PKHD1L1: variants seen among roughly 807,000 people sequenced by gnomAD.
PKHD1L1 encodes PKHD1 like 1.
In PKHD1L1, 434 loss-of-function variants were observed where a neutral mutation model predicts 462.9. The ratio of observed to expected loss-of-function variants is 0.94; its 90% CI spans 0.87 to 1.02. The LOEUF (loss-of-function observed/expected upper bound fraction) is 1.02, where lower values mean the gene tolerates loss of function less well. Among genes scored for constraint, PKHD1L1 ranks in the 50% least tolerant of loss-of-function variants. The pLI, the probability that PKHD1L1 is intolerant of heterozygous loss-of-function variation, is 0.00. For synonymous variants in PKHD1L1, 1,781 were observed against 1,750.0 expected, an observed-to-expected ratio of 1.02 and a Z score of -0.44; for missense variants, 5,202 against 5,096.1, an observed-to-expected ratio of 1.02 and a Z score of -0.63.
intron 50 of PKHD1L1, among the ~76,000 whole-genome samples, chr8:109,467,294 G>C (rs1377687173): frequency 6.6e-6 from 1 of 152,084 alleles, no homozygotes; most frequent in African/African-American, 2.4e-5. Flanking sequence ...CCAGCCAAAC[G>C]AGCAAGCTAA....
chr8:109,436,476 CA>C lies in PKHD1L1; in HGVS notation c.3627+18del. 6.2e-7 allele frequency: 1 copy of C among 1,610,094 alleles called. No individual in the cohort carries two copies. The highest frequency in any genetic ancestry group is 1.1e-5 in the South Asian group (1 of 90,240). Reference sequence around the variant, plus strand: ...ACACCAAAAGTAAGGCCTCTGATTTCAGTCACTTTTTCCTCCTAAGTCTGAA... The same window carrying C: ...ACACCAAAAGTAAGGCCTCTGATTTCGTCACTTTTTCCTCCTAAGTCTGAA... On this transcript the variant is annotated intron_variant, in intron 30 of 77. Coordinates refer to ENST00000378402, the MANE Select transcript of PKHD1L1 (RefSeq NM_177531.6).
Position 109,532,356 on chromosome 8 carries a change from A to T in PKHD1L1, c.*2266A>T, listed in dbSNP as rs1177812072. Among the ~76,000 whole-genome samples, 1 of 152,234 alleles carries T rather than the reference A, an allele frequency of 6.6e-6. No individual in the cohort carries two copies. Among genetic ancestry groups the T allele is most frequent in the Non-Finnish European group, 1.5e-5 (1 of 68,042 alleles). On this transcript the variant is annotated 3_prime_UTR_variant, in exon 78 of 78. Coordinates refer to ENST00000378402, the MANE Select transcript of PKHD1L1 (RefSeq NM_177531.6). ...CCTTATTCCAGATAAATTACAATTT[A>T]ATTACTACTTTTAAAAATGCTTGAA...
At chr8:109,426,876 C>T (rs113985160) in intron 24 of PKHD1L1, 126 bp from the exon 25 acceptor site, 371 of 642,306 alleles carry the variant, frequency 5.8e-4, no homozygotes, top group African/African-American at 4.8e-3. Flanking sequence ...TGATCTCAAA[C>T]GCCTGACCTC....
intron 11 of PKHD1L1, among the ~76,000 whole-genome samples, chr8:109,396,383 G>A (rs1812977021): frequency 6.6e-6 from 1 of 152,192 alleles, no homozygotes; most frequent in Admixed American, 6.5e-5. Context: ...CAGGCTTTGT[G>A]TAGCAGCATT....
intron 9 of PKHD1L1, among the ~76,000 whole-genome samples, chr8:109,391,615 A>G (rs1264611195): frequency 6.6e-6 from 1 of 152,314 alleles, no homozygotes; most frequent in East Asian, 1.9e-4. Flanking sequence ...ACCCATATAA[A>G]TTGCATTATT....
chr8:109,474,238 T>A (rs1158651431), intron 50 of PKHD1L1, among the ~76,000 whole-genome samples: 4 of 152,188 alleles, frequency 2.6e-5, no homozygotes, highest in African/African-American at 9.7e-5. Context: ...TTCTAGCTTC[T>A]TCCTCCTAAA....
In PKHD1L1 at chr8:109,466,661, T is replaced by C; in HGVS notation, c.8497T>C (p.Phe2833Leu). The change falls in exon 50 of 78, where the codon TTC (phenylalanine) becomes CTC (leucine). Residue 2833 changes from phenylalanine to leucine, a missense_variant. This residue lies in a region of PKHD1L1 where 4,497 missense variants were observed against 4,336.8 expected (regional missense o/e 1.04). Transcript: ENST00000378402. ...CTQEAEWSIG[F>L]PGSVCDASVS... ...TCAGGAAGCTGAGTGGAGCATTGGG[T>C]TCCCTGGATCAGTCTGTGATGCTTC... 6.2e-7 allele frequency: 1 copy of C among 1,611,304 alleles called. No homozygotes were observed. Among genetic ancestry groups the C allele is most frequent in the Non-Finnish European group, 8.5e-7 (1 of 1,178,726 alleles).
At position 109,408,066 on chromosome 8, in the gene PKHD1L1, G is replaced by T; in HGVS notation, c.1831G>T (p.Gly611Cys). ...ISTRGDFDLL[G>C]YEVVEGNNVT... ...AATTTCAGGAGACTTTGATCTGCTT[G>T]GTTATGAAGTAGTTGAAGGGAATAA... is the stretch of plus-strand genomic sequence containing the variant. The change falls in exon 18 of 78, where the codon GGT becomes TGT. Residue 611 changes from glycine (G) to cysteine (C), a missense_variant. Coordinates refer to ENST00000378402, the MANE Select transcript of PKHD1L1 (RefSeq NM_177531.6). The T allele has an allele frequency of 6.2e-7, 1 of 1,602,562 alleles. No individual in the cohort carries two copies. The highest frequency in any genetic ancestry group is 8.5e-7 in the Non-Finnish European group (1 of 1,173,522).
At chr8:109,385,846 A>G (rs1039260008) in intron 6 of PKHD1L1, among the ~76,000 whole-genome samples, 6 of 151,998 alleles carry the variant, frequency 3.9e-5, no homozygotes, top group Non-Finnish European at 7.4e-5. Context: ...GGTCTGGTGT[A>G]ATTTCTTATT....
intron 77 of PKHD1L1, among the ~76,000 whole-genome samples, chr8:109,527,891 C>T (rs1820897518): frequency 6.6e-6 from 1 of 152,216 alleles, no homozygotes; most frequent in Non-Finnish European, 1.5e-5. Context: ...AAAGCTATGT[C>T]ATTGACCTGG....
chr8:109,477,526 A>G (rs1818053785), intron 53 of PKHD1L1, 130 bp downstream of exon 53: 1 of 817,834 alleles, frequency 1.2e-6, no homozygotes, highest in East Asian at 3.1e-5. Context: ...GTACTTTCAC[A>G]TTCACTGCTT....
chr8:109,492,105 G>C (rs1271994357), intron 62 of PKHD1L1, 111 bp downstream of exon 62: 8 of 905,678 alleles, frequency 8.8e-6, no homozygotes, highest in Non-Finnish European at 1.2e-5. Context: ...AAAAGATGAT[G>C]TAAGTTTCGA....
intron 48 of PKHD1L1, among the ~76,000 whole-genome samples, chr8:109,462,392 G>A (rs1343931519): frequency 6.6e-6 from 1 of 152,088 alleles, no homozygotes; most frequent in Non-Finnish European, 1.5e-5. Flanking sequence ...CCATCCCATA[G>A]GAATCATGTG....
At chr8:109,422,793 A>G (rs56757897) in intron 23 of PKHD1L1, among the ~76,000 whole-genome samples, 6,123 of 152,224 alleles carry the variant, frequency 0.04, 433 homozygotes, top group African/African-American at 0.14. Context: ...AGAAACTACC[A>G]TATTTTTTTT....
At chr8:109,381,621 A>G (rs1411958086) in intron 3 of PKHD1L1, 107 bp downstream of exon 3, 2 of 854,078 alleles carry the variant, frequency 2.3e-6, no homozygotes, top group Non-Finnish European at 3.4e-6. Context: ...TATAAATAAT[A>G]TTTTTCTGAT....
chr8:109,483,709 C>A (rs978985845), intron 57 of PKHD1L1, among the ~76,000 whole-genome samples: 3 of 150,840 alleles, frequency 2.0e-5, no homozygotes, highest in Non-Finnish European at 4.4e-5. Flanking sequence ...ATTATAAATT[C>A]TTGCAAAACA....
rs751086882 is a variant in PKHD1L1, at chr8:109,526,876, G to GGCAGCA, written c.12590_12595dup (p.Ser4197_Ser4198dup). 8 of 1,607,114 alleles carry GGCAGCA rather than the reference G, an allele frequency of 5.0e-6. No individual in the cohort carries two copies. Among genetic ancestry groups the GGCAGCA allele is most frequent in the Non-Finnish European group, 5.9e-6 (7 of 1,176,896 alleles). On this transcript the variant is annotated inframe_insertion, in exon 77 of 78. Transcript: ENST00000378402. ...GCTGGCAGAGTCTGTCTCTAGCAGT[G>GGCAGCA]GCAGCAGCAGCAGCAGCAACAGCAA...
chr8:109,530,157 G>GACTTTT lies in PKHD1L1; in HGVS notation c.*67_*68insACTTTT. 2 of 992,808 alleles carry GACTTTT rather than the reference G, an allele frequency of 2.0e-6. No individual in the cohort carries two copies. The highest frequency in any genetic ancestry group is 2.7e-6 in the Non-Finnish European group (2 of 728,574). The allele number at this position is 992,808 out of a possible 1,614,324, so 61.5% of individuals were successfully genotyped here. A position where few individuals can be genotyped will look rare whatever the true frequency, so the allele number is the denominator to read the frequency against. The stretch of plus-strand genomic sequence containing the variant: ...TTATTAGCTACTTTGTTGGGCAATA[G>GACTTTT]GCAAAAGTCTATAGCATTTTCATGA... On this transcript the variant is annotated 3_prime_UTR_variant, in exon 78 of 78. Coordinates refer to ENST00000378402, the MANE Select transcript of PKHD1L1 (RefSeq NM_177531.6).
rs375289821 is a variant in PKHD1L1 at position 109,498,667 on chromosome 8, G to A, written c.10724G>A (p.Gly3575Glu). The A allele has an allele frequency of 2.5e-6, 4 of 1,613,858 alleles. No individual in the cohort carries two copies. Residue 3575 changes from glycine to glutamate, a missense_variant, in exon 67 of 78, where the codon GGG becomes GAG. By Grantham distance (98) the Gly-to-Glu change is moderately conservative. Transcript: ENST00000378402. ...TTTTTGGTAAAAGGTGGGAGAAGTG[G>A]GATTTGTTGGCCTACCTTTGCTTCA... Reference protein sequence around the residue: ...SPRSPSGGRSGICWPTFASAH... With the variant: ...SPRSPSGGRSEICWPTFASAH...
Sources: allele counts gnomAD v4.1 joint callset (sites outside exome capture counted in the v4.1 genomes callset), GRCh38; gene constraint gnomAD v4.1.1; regional missense constraint gnomAD v4.1.1; transcripts MANE v1.5; gene names NCBI Gene and HGNC (gene_info 2026-07-23, HGNC 2026-07-21).